Variants in COL4A5 observed in about 807,000 individuals in gnomAD.
COL4A5 encodes the protein collagen type IV alpha 5 chain.
In COL4A5, 26 loss-of-function variants were observed where a neutral mutation model predicts 130.2. The observed-to-expected ratio is 0.20, with a 90% CI of 0.15 to 0.28. COL4A5 has a LOEUF of 0.28. COL4A5 is among the 10% of genes least tolerant of loss of function. COL4A5 has a pLI of 1.00. For synonymous variants in COL4A5, 496 were observed against 439.6 expected (o/e 1.13, Z -1.60); for missense variants, 1,131 against 1,344.3 (o/e 0.84, Z 2.48).
intron 1 of COL4A5, among the ~76,000 whole-genome samples, chrX:108,481,269 G>T (rs2064887282): frequency 9.0e-6 from 1 of 111,076 alleles, no homozygotes; most frequent in Non-Finnish European, 1.9e-5. Flanking sequence ...TCTCCCCAAT[G>T]CATAGTTACC....
intron 1 of COL4A5, among the ~76,000 whole-genome samples, chrX:108,451,293 T>C (rs369420326): frequency 1.1e-4 from 12 of 110,327 alleles, no homozygotes; most frequent in East Asian, 2.9e-4. Flanking sequence ...TGAATAGTGC[T>C]GCAATAAACA....
At chrX:108,444,295 C>G (rs747222618) in intron 1 of COL4A5, among the ~76,000 whole-genome samples, 1 of 108,400 alleles carries the variant, frequency 9.2e-6, no homozygotes, top group African/African-American at 3.4e-5. Flanking sequence ...TCTCGGCTCA[C>G]TGCAAGCTCT....
At chrX:108,530,861 A>G (rs1422424238) in intron 1 of COL4A5, among the ~76,000 whole-genome samples, 2 of 108,616 alleles carry the variant, frequency 1.8e-5, no homozygotes, top group East Asian at 5.9e-4. Flanking sequence ...ATTACTAGGT[A>G]TATACCCAAA....
At chrX:108,632,406 G>A (rs2067278052) in intron 36 of COL4A5, among the ~76,000 whole-genome samples, 1 of 111,380 alleles carries the variant, frequency 9.0e-6, no homozygotes, top group African/African-American at 3.3e-5. Flanking sequence ...GAGATACAAA[G>A]AGGAGCTGGT....
chrX:108,678,689 G>C (rs1282697020), intron 44 of COL4A5, among the ~76,000 whole-genome samples: 1 of 111,157 alleles, frequency 9.0e-6, no homozygotes, highest in African/African-American at 3.3e-5. Context: ...AACATAGCAA[G>C]ACCCTGTCTC....
At chrX:108,611,270 GA>G (rs1569496536) in intron 29 of COL4A5, among the ~76,000 whole-genome samples, 1 of 110,867 alleles carries the variant, frequency 9.0e-6, no homozygotes, top group East Asian at 2.8e-4. Context: ...ATACAAAAGA[GA>G]AAAAAAGATG....
intron 29 of COL4A5, among the ~76,000 whole-genome samples, chrX:108,611,277 A>T (rs368441716): frequency 9.0e-6 from 1 of 111,378 alleles, no homozygotes; most frequent in South Asian, 3.8e-4. Flanking sequence ...AGAGAAAAAA[A>T]GATGATTTTG....
chrX:108,500,367 T>G (rs2065069319), intron 1 of COL4A5, among the ~76,000 whole-genome samples: 1 of 111,939 alleles, frequency 8.9e-6, no homozygotes, highest in Admixed American at 9.5e-5. Flanking sequence ...ATTTTTTTCT[T>G]CTTCAAAAGT....
At chrX:108,611,334 C>A (rs1038170004) in intron 29 of COL4A5, among the ~76,000 whole-genome samples, 3 of 110,958 alleles carry the variant, frequency 2.7e-5, no homozygotes, top group Non-Finnish European at 5.7e-5. Context: ...AGGGCCTTAT[C>A]TAAGGTACCT....
At chrX:108,465,313 G>A (rs2147497768) in intron 1 of COL4A5, among the ~76,000 whole-genome samples, 1 of 111,857 alleles carries the variant, frequency 8.9e-6, no homozygotes, top group South Asian at 3.7e-4. Flanking sequence ...GGTATGAAGT[G>A]GTATCTTGTT....
intron 36 of COL4A5, among the ~76,000 whole-genome samples, chrX:108,654,667 A>C (rs752226322): frequency 1.8e-5 from 2 of 112,362 alleles, no homozygotes; most frequent in Non-Finnish European, 3.8e-5. Context: ...GGCTGGTCTT[A>C]AACTCCTGGG....
rs779822354 is a variant in COL4A5 at position 108,568,632 on chromosome X, C to A, written c.280C>A (p.Pro94Thr). The A allele has an allele frequency of 5.1e-6, 6 of 1,181,136 alleles. No homozygotes were observed. Among genetic ancestry groups the A allele is most frequent in the Non-Finnish European group, 6.9e-6 (6 of 869,888 alleles). ...AGGATTTTATTTCTTCTTATAGGGT[C>A]CTCCTGGACTTCCTGGATTTCCAGG... ...GPPGPKGIRG[P>T]PGLPGFPGTP... The change falls in exon 5 of 53, where the codon CCT becomes ACT. Residue 94 changes from proline to threonine, a missense_variant. Transcript: ENST00000328300.
At chrX:108,531,715 C>T (rs1020537352) in intron 1 of COL4A5, among the ~76,000 whole-genome samples, 2 of 110,339 alleles carry the variant, frequency 1.8e-5, no homozygotes, top group African/African-American at 3.3e-5. Context: ...CTAGTCTAAC[C>T]AAGAAAAGAC....
intron 29 of COL4A5, among the ~76,000 whole-genome samples, chrX:108,613,287 T>C (rs2066868324): frequency 9.0e-6 from 1 of 111,653 alleles, no homozygotes; most frequent in Non-Finnish European, 1.9e-5. Flanking sequence ...TAAACAACCC[T>C]CTAAAAATGT....
chrX:108,623,908 A>G (rs909054917), intron 33 of COL4A5, among the ~76,000 whole-genome samples: 1 of 111,764 alleles, frequency 8.9e-6, no homozygotes, highest in Non-Finnish European at 1.9e-5. Context: ...GACCTCTACT[A>G]TAGGCTTATT....
At chrX:108,653,516 A>T (rs73636564) in intron 36 of COL4A5, among the ~76,000 whole-genome samples, 11,542 of 111,052 alleles carry the variant, frequency 0.1, 1,303 homozygotes, top group African/African-American at 0.34. Flanking sequence ...ATCATGCTAC[A>T]CAAAATGGCG....
At chrX:108,588,266 G>A (rs1489280668) in intron 19 of COL4A5, among the ~76,000 whole-genome samples, 2 of 111,011 alleles carry the variant, frequency 1.8e-5, no homozygotes, top group Admixed American at 1.9e-4. Flanking sequence ...TCAAAAATAC[G>A]TGGCTAATGA....
At chrX:108,651,825 T>G (rs1273172029) in intron 36 of COL4A5, among the ~76,000 whole-genome samples, 1 of 111,963 alleles carries the variant, frequency 8.9e-6, no homozygotes, top group Non-Finnish European at 1.9e-5. Flanking sequence ...CAGGCAGCCT[T>G]GAGCCATTAT....
chrX:108,693,794 T>C (rs1356754020), intron 50 of COL4A5: 1 of 111,116 alleles, frequency 9.0e-6, no homozygotes, highest in East Asian at 2.8e-4. Context: ...AGGAGGGTGA[T>C]ACCATTAATA....
Sources: allele counts gnomAD v4.1 joint callset (sites outside exome capture counted in the v4.1 genomes callset), GRCh38; gene constraint gnomAD v4.1.1; transcripts MANE v1.5; gene names NCBI Gene and HGNC (gene_info 2026-07-23, HGNC 2026-07-21).